DYNC1H1: variants seen among roughly 807,000 people sequenced by gnomAD.
The protein encoded by DYNC1H1 is dynein cytoplasmic 1 heavy chain 1.
Under a neutral mutation model 527.1 loss-of-function variants are expected in DYNC1H1, and 51 were observed. The observed-to-expected ratio is 0.10, with a 90% confidence interval of 0.08 to 0.12. DYNC1H1 has a LOEUF of 0.12. DYNC1H1 is among the 10% of genes least tolerant of loss of function. The pLI, the probability that DYNC1H1 is intolerant of heterozygous loss-of-function variation, is 1.00. For synonymous variants in DYNC1H1, 2,189 were observed against 2,278.8 expected (o/e 0.96, Z 1.12); for missense variants, 2,771 against 5,971.8 (o/e 0.46, Z 17.66).
At chr14:101,989,941 C>T (rs1398563588) in intron 10 of DYNC1H1, among the ~76,000 whole-genome samples, 1 of 152,172 alleles carries the variant, frequency 6.6e-6, no homozygotes, top group Non-Finnish European at 1.5e-5. Context: ...TGTTTAAATA[C>T]ACAAATACTT....
rs1229747368 is a variant in DYNC1H1 at position 102,044,802 on chromosome 14, G to A, written c.13006+104G>A. 14 of 1,332,800 alleles carry A rather than the reference G, an allele frequency of 1.1e-5. No individual in the cohort carries two copies. The highest frequency in any genetic ancestry group is 1.8e-5 in the Admixed American group (1 of 54,558). The allele number at this position is 1,332,800 out of a possible 1,614,324, so 82.6% of individuals were successfully genotyped here. A position where few individuals can be genotyped will look rare whatever the true frequency, so the allele number is the denominator to read the frequency against. ...ACACGCAGGGTGAGTGTGCACTGCT[G>A]TCCCAGGGCCCTCCCTGGTTATGCT... On this transcript the variant is annotated intron_variant, in intron 72 of 77. Transcript: ENST00000360184. This position sits in a 1 kb window ranked among gnomAD's most constrained non-coding sequence, Gnocchi z 7.1.
chr14:102,040,346 C>T lies in DYNC1H1; in HGVS notation c.11801C>T (p.Ala3934Val), dbSNP rs751780173. The change falls in exon 63 of 78, where the codon GCG becomes GTG. Residue 3934 changes from alanine (A) to valine (V), a missense_variant. By Grantham distance (64) the Ala-to-Val change is moderately conservative. Coordinates refer to ENST00000360184, the MANE Select transcript of DYNC1H1 (RefSeq NM_001376.5). ...GGCCTGACTGTGGAGCAGGCGGAGG[C>T]GGTGGTGAGGCTGAGCTGCCTTCCC... ...IQGLTVEQAE[A>V]VVRLSCLPAF... is the part of the protein sequence containing the mutation. 5.6e-6 allele frequency: 9 copies of T among 1,614,144 alleles called. No homozygotes were observed. The highest frequency in any genetic ancestry group is 1.6e-4 in the Middle Eastern group (1 of 6,062).
In DYNC1H1 at chr14:102,018,482, G is replaced by C. The variant is rs1342350207; in HGVS notation, c.8209G>C (p.Asp2737His). Residue 2737 changes from aspartate to histidine, a missense_variant, in exon 41 of 78, where the codon GAT (aspartate) becomes CAT (histidine). Coordinates refer to ENST00000360184, the MANE Select transcript of DYNC1H1 (RefSeq NM_001376.5). The surrounding 1 kb of genome is among the most constrained non-coding windows in gnomAD (Gnocchi z 5.2). ...FLRHVPVVYVDYPGPASLTQI... is the reference protein window; with the variant it reads ...FLRHVPVVYVHYPGPASLTQI... ...GCGCCACGTGCCTGTCGTGTATGTGGATTACCCGGGCCCCGCCTCCCTCAC... is the reference window on the plus strand; with the variant it reads ...GCGCCACGTGCCTGTCGTGTATGTGCATTACCCGGGCCCCGCCTCCCTCAC... 1 of 1,613,852 alleles carries C rather than the reference G, an allele frequency of 6.2e-7. No homozygotes were observed. Among genetic ancestry groups the C allele is most frequent in the Non-Finnish European group, 8.5e-7 (1 of 1,180,020 alleles).
rs1203783905 is a variant in DYNC1H1, at chr14:101,985,662, T to G, written c.1462-25T>G. On this transcript the variant is annotated intron_variant, in intron 7 of 77. Coordinates refer to ENST00000360184, the MANE Select transcript of DYNC1H1 (RefSeq NM_001376.5). This position sits in a 1 kb window ranked among gnomAD's most constrained non-coding sequence, Gnocchi z 5.9. ...AAAGCCTTCGTTTGGTCAGCATTTC[T>G]TGATTACATATCTTTCTCCTTTAGG... The G allele has an allele frequency of 6.2e-7, 1 of 1,613,468 alleles. No individual in the cohort carries two copies. Among genetic ancestry groups the G allele is most frequent in the East Asian group, 2.2e-5 (1 of 44,878 alleles).
chr14:102,012,289 C>T lies in DYNC1H1; in HGVS notation c.6858-25C>T. Reference sequence around the variant, plus strand: ...GTTAAAATCTTGATTTAATCAGCAGCTATTTTAAAATCCTTCCCAACCAGG... The same window carrying T: ...GTTAAAATCTTGATTTAATCAGCAGTTATTTTAAAATCCTTCCCAACCAGG... On this transcript the variant is annotated intron_variant, in intron 33 of 77. Coordinates refer to ENST00000360184, the MANE Select transcript of DYNC1H1 (RefSeq NM_001376.5). The surrounding 1 kb of genome is among the most constrained non-coding windows in gnomAD (Gnocchi z 4.9). 6.2e-7 allele frequency: 1 copy of T among 1,614,154 alleles called. No individual in the cohort carries two copies. Among genetic ancestry groups the T allele is most frequent in the Non-Finnish European group, 8.5e-7 (1 of 1,180,020 alleles).
chr14:102,043,262 C>T (rs533134425), intron 69 of DYNC1H1: 4 of 172,136 alleles, frequency 2.3e-5, no homozygotes, highest in East Asian at 1.6e-4. Flanking sequence ...CCAGCCTGGG[C>T]GAAAGAGCAA....
chr14:102,001,369 T>C lies in DYNC1H1; in HGVS notation c.4395+15T>C. ...TTTTGAAGCAGGCGAGTAATAGGAC[T>C]GAACGGCTGCTTTACGTTGTGTTTC... On this transcript the variant is annotated intron_variant, in intron 20 of 77. Transcript: ENST00000360184. The surrounding 1 kb of genome is among the most constrained non-coding windows in gnomAD (Gnocchi z 5.0). The C allele has an allele frequency of 6.2e-7, 1 of 1,614,112 alleles. No individual in the cohort carries two copies. The highest frequency in any genetic ancestry group is 8.5e-7 in the Non-Finnish European group (1 of 1,179,996).
At chr14:102,030,057 AGTGTGT>A in intron 50 of DYNC1H1, 99 bp from the exon 51 acceptor site, 12 of 1,519,314 alleles carry the variant, frequency 7.9e-6, no homozygotes, top group South Asian at 1.2e-5. Flanking sequence ...AGGGAGAGAG[AGTGTGT>A]GTGTGTGTGT....
chr14:101,982,898 A>G, intron 5 of DYNC1H1, 121 bp from the exon 6 acceptor site: 4 of 1,202,076 alleles, frequency 3.3e-6, no homozygotes, highest in Non-Finnish European at 4.8e-6. Flanking sequence ...TCAAATATGA[A>G]TAGTTTTTGT....
chr14:101,994,896 C>CTGTG, intron 13 of DYNC1H1, 47 bp downstream of exon 13: 4 of 1,613,888 alleles, frequency 2.5e-6, no homozygotes, highest in African/African-American at 2.7e-5. Flanking sequence ...AGTGTAAAAG[C>CTGTG]AACATTTCTG....
chr14:102,045,993 C>T lies in DYNC1H1; in HGVS notation c.13006+1295C>T, dbSNP rs929233792. Among the ~76,000 whole-genome samples the T allele has an allele frequency of 5.9e-5, 9 of 152,024 alleles. 1 individual carries two copies. The highest frequency in any genetic ancestry group is 3.3e-4 in the Admixed American group (5 of 15,252). On this transcript the variant is annotated intron_variant, in intron 72 of 77. Transcript: ENST00000360184. ...CATCCTGGCTAACACGGTGAAACCC[C>T]GTCTCTACTAAAAATACAAAAAAAA... is the stretch of plus-strand genomic sequence containing the variant.
Position 102,000,962 on chromosome 14 carries a change from A to G in DYNC1H1, c.4083A>G (p.Gln1361=). ...TATGTTTCTCTCGACAGCTTCGACA[A>G]AATTTGGATGCCCTCCTGAACCAGC... ...WVSVQPRKLR[Q]NLDALLNQLK... Residue 1361 remains glutamine (Q), a synonymous_variant, in exon 19 of 78, where the codon CAA becomes CAG. Coordinates refer to ENST00000360184, the MANE Select transcript of DYNC1H1 (RefSeq NM_001376.5). 1 of 1,614,174 alleles carries G rather than the reference A, an allele frequency of 6.2e-7. No homozygotes were observed. The highest frequency in any genetic ancestry group is 8.5e-7 in the Non-Finnish European group (1 of 1,179,996).
At position 102,001,104 on chromosome 14, in the gene DYNC1H1, A is replaced by C; in HGVS notation, c.4185+40A>C. On this transcript the variant is annotated intron_variant, in intron 19 of 77. Transcript: ENST00000360184. This position sits in a 1 kb window ranked among gnomAD's most constrained non-coding sequence, Gnocchi z 5.0. ...TCGCACGGTGATGAGTGTCCATTAG[A>C]AACGCACCTGCACAGATCACTTTGT... 6.2e-7 allele frequency: 1 copy of C among 1,614,122 alleles called. No individual in the cohort carries two copies. The highest frequency in any genetic ancestry group is 8.5e-7 in the Non-Finnish European group (1 of 1,179,996).
chr14:102,043,114 T>C (rs1483266594), intron 69 of DYNC1H1: 2 of 345,004 alleles, frequency 5.8e-6, no homozygotes, highest in Non-Finnish European at 1.1e-5. Context: ...AAACTCCGTC[T>C]CTACTAAAAA....
intron 10 of DYNC1H1, among the ~76,000 whole-genome samples, chr14:101,989,087 G>A (rs2047967472): frequency 6.6e-6 from 1 of 152,160 alleles, no homozygotes; most frequent in Admixed American, 6.5e-5. Flanking sequence ...TCACTCTCAT[G>A]TGAGATGTTA....
In DYNC1H1 at chr14:102,000,057, G is replaced by A. The variant is rs138014752; in HGVS notation, c.3873G>A (p.Lys1291=). The A allele has an allele frequency of 6.2e-6, 10 of 1,614,210 alleles. No homozygotes were observed. The highest frequency in any genetic ancestry group is 4.0e-5 in the African/African-American group (3 of 75,042). The part of the protein sequence containing the change: ...TIYEGKFGRL[K]DDREKCAKAK... ...ATGAGGGGAAGTTTGGTAGGCTGAAGGACGACAGAGAGAAGTGTGCAAAGG... is the reference window on the plus strand; with the variant it reads ...ATGAGGGGAAGTTTGGTAGGCTGAAAGACGACAGAGAGAAGTGTGCAAAGG... The change falls in exon 17 of 78, where the codon AAG becomes AAA. Residue 1291 remains lysine (K), a synonymous_variant. Coordinates refer to ENST00000360184, the MANE Select transcript of DYNC1H1 (RefSeq NM_001376.5).
rs1447232812 is a variant in DYNC1H1, at chr14:102,017,761, T to C, written c.8177+257T>C. On this transcript the variant is annotated intron_variant, in intron 40 of 77. Transcript: ENST00000360184. The surrounding 1 kb of genome is among the most constrained non-coding windows in gnomAD (Gnocchi z 4.6). ...GCGGGCGGATCACGAGGTCAGGAGA[T>C]TGAGACCATCCTGGCCAACACAGTG... The C allele has an allele frequency of 3.8e-6, 2 of 528,448 alleles. No individual in the cohort carries two copies. The highest frequency in any genetic ancestry group is 1.9e-5 in the African/African-American group (1 of 51,820). 32.7% of individuals were successfully genotyped at this position (528,448 alleles called of 1,614,324 possible).
Position 102,049,282 on chromosome 14 carries a change from G to A in DYNC1H1, c.13373-158G>A. On this transcript the variant is annotated intron_variant, in intron 74 of 77. Transcript: ENST00000360184. This position sits in a 1 kb window ranked among gnomAD's most constrained non-coding sequence, Gnocchi z 5.5. ...AGCTAGAGCAGATGTGGTGAGGGCG[G>A]CGCCAGGGGCATAAAGTGCAGCCTG... 3 of 1,017,078 alleles carry A rather than the reference G, an allele frequency of 2.9e-6. No homozygotes were observed. The highest frequency in any genetic ancestry group is 2.8e-5 in the South Asian group (2 of 70,716). The allele number at this position is 1,017,078 out of a possible 1,614,324, so 63.0% of individuals were successfully genotyped here. A position where few individuals can be genotyped will look rare whatever the true frequency, so the allele number is the denominator to read the frequency against.
At chr14:101,977,795 C>T (rs936976841) in intron 2 of DYNC1H1, among the ~76,000 whole-genome samples, 31 of 152,176 alleles carry the variant, frequency 2.0e-4, no homozygotes, top group African/African-American at 5.3e-4. Context: ...TCAGGTTATA[C>T]GATTTTGGCA....
Sources: gnomAD v4.1 joint callset for allele counts (sites outside exome capture counted in the v4.1 genomes callset) on GRCh38, gnomAD v4.1.1 for gene constraint, Gnocchi (gnomAD v3.1) non-coding constraint, MANE v1.5 for transcripts, NCBI Gene and HGNC (gene_info 2026-07-23, HGNC 2026-07-21) for gene names.